Variants in CLSTN1 observed in about 807,000 individuals in gnomAD.
CLSTN1 encodes the protein calsyntenin-1.
In CLSTN1, 28 loss-of-function variants were observed where a neutral mutation model predicts 108.3. That is an observed-to-expected ratio of 0.26 (90% confidence interval 0.19 to 0.35). CLSTN1 has a LOEUF of 0.35. CLSTN1 is among the 10% of genes least tolerant of loss of function. CLSTN1 has a pLI of 1.00. For synonymous variants in CLSTN1, 524 were observed against 534.9 expected, an observed-to-expected ratio of 0.98 and a Z score of 0.28; for missense variants, 1,157 against 1,302.6, an observed-to-expected ratio of 0.89 and a Z score of 1.72.
intron 15 of CLSTN1, among the ~76,000 whole-genome samples, 198 bp from the exon 16 acceptor site, chr1:9,733,744 C>T (rs771565263): frequency 1.5e-4 from 23 of 152,200 alleles, no homozygotes; most frequent in Non-Finnish European, 3.2e-4. Flanking sequence ...GACGTGTCAT[C>T]CCACGCCTCA....
rs577665695 is a variant in CLSTN1, at chr1:9,800,715, G to C, written c.91+22928C>G. Among the ~76,000 whole-genome samples the C allele has an allele frequency of 2.7e-4, 40 of 147,030 alleles. No individual in the cohort carries two copies. In the South Asian group the frequency reaches 8.4e-3, roughly 31 times the overall value. ...ACTGCACTCCAGCCTGGGCGACAGA[G>C]TGAGATTCCATCTCAAAAAAAAAAT... On this transcript the variant is annotated intron_variant, in intron 1 of 18. Coordinates refer to ENST00000377298, the MANE Select transcript of CLSTN1 (RefSeq NM_001009566.3).
intron 7 of CLSTN1, among the ~76,000 whole-genome samples, 176 bp downstream of exon 7, chr1:9,749,285 C>T (rs892206788): frequency 1.3e-5 from 2 of 152,160 alleles, no homozygotes; most frequent in African/African-American, 4.8e-5. Context: ...GCCCCACCCC[C>T]GAAGCCCATC....
At chr1:9,759,833 C>T (rs1414383494) in intron 2 of CLSTN1, among the ~76,000 whole-genome samples, 1 of 152,174 alleles carries the variant, frequency 6.6e-6, no homozygotes, top group East Asian at 1.9e-4. Flanking sequence ...AAATGTTTTC[C>T]AGGATGTGCT....
At position 9,729,860 on chromosome 1, in the gene CLSTN1, G is replaced by A. The variant is rs1414218163; in HGVS notation, c.*648C>T. ...CTCAGACCTGAGCAGGGGCTGGGGC[G>A]GGGCTGGGCGGGGTGGGCCTCTCCC... On this transcript the variant is annotated 3_prime_UTR_variant, in exon 19 of 19. Coordinates refer to ENST00000377298, the MANE Select transcript of CLSTN1 (RefSeq NM_001009566.3). 6.5e-5 allele frequency: 10 copies of A among 154,488 alleles called. No individual in the cohort carries two copies. In the East Asian group the frequency reaches 1.2e-3, roughly 18 times the overall value. 9.6% of individuals were successfully genotyped at this position (154,488 alleles called of 1,614,324 possible).
chr1:9,775,928 A>G (rs1243944236), intron 1 of CLSTN1, among the ~76,000 whole-genome samples: 1 of 151,088 alleles, frequency 6.6e-6, no homozygotes, highest in African/African-American at 2.4e-5. Flanking sequence ...AGGCGTGTGA[A>G]GGCTTGCATC....
chr1:9,785,709 G>A (rs1653455651), intron 1 of CLSTN1, among the ~76,000 whole-genome samples: 1 of 151,872 alleles, frequency 6.6e-6, no homozygotes, highest in Non-Finnish European at 1.5e-5. Context: ...CCCCGTTAAG[G>A]AAAACCAATG....
chr1:9,731,476 A>C, intron 17 of CLSTN1, 86 bp from the exon 18 acceptor site: 1 of 1,416,158 alleles, frequency 7.1e-7, no homozygotes, highest in Non-Finnish European at 9.8e-7. Context: ...TGCCTGGTCA[A>C]AACGGGCTGG....
chr1:9,756,816 T>G (rs902225070), intron 2 of CLSTN1, among the ~76,000 whole-genome samples: 2 of 152,168 alleles, frequency 1.3e-5, no homozygotes, highest in Admixed American at 1.3e-4. Context: ...AGTCTCGCTC[T>G]GTCACCCAGG....
intron 1 of CLSTN1, among the ~76,000 whole-genome samples, chr1:9,800,111 C>T (rs981503728): frequency 6.6e-6 from 1 of 151,770 alleles, no homozygotes; most frequent in African/African-American, 2.4e-5. Context: ...GCATTTAATA[C>T]ATATATTAGA....
chr1:9,816,733 GC>G (rs1654988548), intron 1 of CLSTN1, among the ~76,000 whole-genome samples: 1 of 151,774 alleles, frequency 6.6e-6, no homozygotes, highest in Non-Finnish European at 1.5e-5. Flanking sequence ...TGCAACCTCC[GC>G]CCCCTGGGTT....
rs201852119 is a variant in CLSTN1 at position 9,773,303 on chromosome 1, C to T, written c.183G>A (p.Ala61=). ...ATCGCAGAGGCGCATCTTTATCCAGCGCGATCAGTGGGGGGTCGAGGAGCA... is the reference window on the plus strand; with the variant it reads ...ATCGCAGAGGCGCATCTTTATCCAGTGCGATCAGTGGGGGGTCGAGGAGCA... ...NTVLLDPPLI[A]LDKDAPLRFA... The change falls in exon 2 of 19, where the codon GCG becomes GCA. Residue 61 remains alanine (A), a synonymous_variant. Transcript: ENST00000377298. 238 of 1,614,072 alleles carry T rather than the reference C, an allele frequency of 1.5e-4. 1 individual carries two copies. In the East Asian group the frequency reaches 3.7e-3, roughly 25 times the overall value.
chr1:9,782,881 C>A (rs147397106), intron 1 of CLSTN1, among the ~76,000 whole-genome samples: 34 of 152,342 alleles, frequency 2.2e-4, no homozygotes, highest in Middle Eastern at 3.4e-3. Flanking sequence ...GTGGCACACG[C>A]CTATAATCCC....
chr1:9,739,787 G>C (rs1210194864), intron 10 of CLSTN1, among the ~76,000 whole-genome samples: 1 of 149,490 alleles, frequency 6.7e-6, no homozygotes, highest in Admixed American at 6.7e-5. Context: ...GTCTCACTCT[G>C]TTGCTCGGGC....
chr1:9,730,444 G>A lies in CLSTN1; in HGVS notation c.*64C>T, dbSNP rs1439055393. Reference sequence around the variant, plus strand: ...GACTTTGTACATCGTGGACCCTTGGGACTGGGAGAACGGATGGCAGCAGAG... The same window carrying A: ...GACTTTGTACATCGTGGACCCTTGGAACTGGGAGAACGGATGGCAGCAGAG... On this transcript the variant is annotated 3_prime_UTR_variant, in exon 19 of 19. Transcript: ENST00000377298. This position sits in a 1 kb window ranked among gnomAD's most constrained non-coding sequence, Gnocchi z 5.6. The A allele has an allele frequency of 2.0e-6, 3 of 1,468,604 alleles. No individual in the cohort carries two copies. Among genetic ancestry groups the A allele is most frequent in the South Asian group, 1.1e-5 (1 of 88,234 alleles). The allele number at this position is 1,468,604 out of a possible 1,614,324, so 91.0% of individuals were successfully genotyped here.
At chr1:9,809,953 A>T (rs1285408541) in intron 1 of CLSTN1, among the ~76,000 whole-genome samples, 2 of 143,298 alleles carry the variant, frequency 1.4e-5, no homozygotes, top group East Asian at 2.1e-4. Flanking sequence ...GCAGGAGAAT[A>T]GCTTGAACCT....
intron 10 of CLSTN1, among the ~76,000 whole-genome samples, chr1:9,740,458 G>T (rs1190398712): frequency 6.6e-6 from 1 of 152,192 alleles, no homozygotes; most frequent in African/African-American, 2.4e-5. Context: ...AGTTTCTTCA[G>T]CTATAAAAAA....
rs527675255 is a variant in CLSTN1 at position 9,745,675 on chromosome 1, T to C, written c.986-1032A>G. 6.0e-5 allele frequency among the ~76,000 whole-genome samples: 9 copies of C among 150,262 alleles called. No homozygotes were observed. In the East Asian group the frequency reaches 1.8e-3, roughly 30 times the overall value. ...CTCAAAAATATATAAACAAATACAATAAAAGTGGAGTCCTGCTATGTATGT... is the reference window on the plus strand; with the variant it reads ...CTCAAAAATATATAAACAAATACAACAAAAGTGGAGTCCTGCTATGTATGT... On this transcript the variant is annotated intron_variant, in intron 7 of 18. Coordinates refer to ENST00000377298, the MANE Select transcript of CLSTN1 (RefSeq NM_001009566.3).
intron 2 of CLSTN1, among the ~76,000 whole-genome samples, chr1:9,764,935 C>T (rs947242652): frequency 6.6e-6 from 1 of 152,178 alleles, no homozygotes; most frequent in South Asian, 2.1e-4. Context: ...GTGGTGTCTA[C>T]ATCCAAAATG....
Position 9,756,472 on chromosome 1 carries a change from C to G in CLSTN1, c.244+9G>C. The G allele has an allele frequency of 6.2e-7, 1 of 1,611,176 alleles. No homozygotes were observed. Among genetic ancestry groups the G allele is most frequent in the Non-Finnish European group, 8.5e-7 (1 of 1,177,530 alleles). On this transcript the variant is annotated intron_variant, in intron 3 of 18. Transcript: ENST00000377298. ...ATTCATAAGAGGGGAAGAAAGAACC[C>G]TTTATCACCTTCTTTGGTGACTGTC...
Sources: allele counts gnomAD v4.1 joint callset (sites outside exome capture counted in the v4.1 genomes callset), GRCh38; gene constraint gnomAD v4.1.1; non-coding constraint Gnocchi (gnomAD v3.1); transcripts MANE v1.5; gene names NCBI Gene and HGNC (gene_info 2026-07-23, HGNC 2026-07-21).